Variants in TRAF3 observed in about 807,000 individuals in gnomAD.
TRAF3 encodes the protein TNF receptor-associated factor 3.
A neutral mutation model predicts 62.3 loss-of-function variants in TRAF3; 13 were observed. The ratio of observed to expected loss-of-function variants is 0.21; its 90% CI spans 0.14 to 0.33. The LOEUF (loss-of-function observed/expected upper bound fraction) is 0.33, where lower values mean the gene tolerates loss of function less well. Among genes scored for constraint, TRAF3 ranks in the 10% least tolerant of loss-of-function variants. The pLI is 1.00. For synonymous variants in TRAF3, 269 were observed against 283.4 expected (o/e 0.95, Z 0.51); for missense variants, 440 against 741.8 (o/e 0.59, Z 4.73).
chr14:102,891,440 G>C (rs752687128), intron 9 of TRAF3, 23 bp downstream of exon 9: 1 of 1,598,174 alleles, frequency 6.3e-7, no homozygotes, highest in South Asian at 1.1e-5. Flanking sequence ...CTTTCCTGCT[G>C]CTATGGGATT....
At chr14:102,792,614 A>C (rs147702742) in intron 1 of TRAF3, among the ~76,000 whole-genome samples, 209 of 151,186 alleles carry the variant, frequency 1.4e-3, no homozygotes, top group African/African-American at 4.9e-3. Context: ...AGTTTTGTCA[A>C]ATGCTTTTTG....
intron 4 of TRAF3, among the ~76,000 whole-genome samples, chr14:102,872,889 A>G (rs1888424762): frequency 6.6e-6 from 1 of 151,854 alleles, no homozygotes; most frequent in South Asian, 2.1e-4. Flanking sequence ...ACGGGGTTTC[A>G]CCGTGTTGGT....
chr14:102,807,575 G>C (rs1054859651), intron 1 of TRAF3, among the ~76,000 whole-genome samples: 1 of 152,212 alleles, frequency 6.6e-6, no homozygotes, highest in Non-Finnish European at 1.5e-5. Context: ...TCACTCACCT[G>C]TGCTGCCTTT....
rs1211582466 is a variant in TRAF3 at position 102,909,870 on chromosome 14, C to G, written c.*4086C>G. 2 of 152,266 alleles carry G rather than the reference C, an allele frequency of 1.3e-5. No homozygotes were observed. Among genetic ancestry groups the G allele is most frequent in the Non-Finnish European group, 2.9e-5 (2 of 68,072 alleles). 9.4% of individuals were successfully genotyped at this position (152,266 alleles called of 1,614,324 possible). ...TTGCTTGATGGCGTCTGGTGGTAGTCAGCATGGTGGACCCACATCCTACAG... is the reference window on the plus strand; with the variant it reads ...TTGCTTGATGGCGTCTGGTGGTAGTGAGCATGGTGGACCCACATCCTACAG... On this transcript the variant is annotated 3_prime_UTR_variant, in exon 12 of 12. Coordinates refer to ENST00000392745, the MANE Select transcript of TRAF3 (RefSeq NM_145725.3).
chr14:102,874,838 G>A (rs1305763280), intron 4 of TRAF3, among the ~76,000 whole-genome samples: 2 of 151,896 alleles, frequency 1.3e-5, no homozygotes, highest in African/African-American at 2.4e-5. Context: ...AAAAATTTTT[G>A]TAGAGATAGG....
intron 1 of TRAF3, among the ~76,000 whole-genome samples, chr14:102,783,581 T>A (rs1395008570): frequency 6.6e-6 from 1 of 152,230 alleles, no homozygotes; most frequent in East Asian, 1.9e-4. Flanking sequence ...AAGTTTTATC[T>A]TAAAATTTAA....
intron 1 of TRAF3, among the ~76,000 whole-genome samples, chr14:102,793,718 G>C (rs973715070): frequency 2.0e-5 from 3 of 152,228 alleles, no homozygotes; most frequent in African/African-American, 7.2e-5. Context: ...CAGGATCAGG[G>C]AAGGGAACTC....
rs774607165 is a variant in TRAF3 at position 102,871,984 on chromosome 14, T to C, written c.297+16T>C. The C allele has an allele frequency of 6.2e-7, 1 of 1,613,294 alleles. No homozygotes were observed. The highest frequency in any genetic ancestry group is 8.5e-7 in the Non-Finnish European group (1 of 1,179,228). On this transcript the variant is annotated intron_variant, in intron 4 of 11. Transcript: ENST00000392745. ...TAAAGATAAGGTATTCTGGGGTTTT[T>C]TTTAATCATTTTGTCACATGTTTTC... is the stretch of plus-strand genomic sequence containing the variant.
Position 102,779,269 on chromosome 14 carries a change from CTT to C in TRAF3, c.-157+1622_-157+1623del, listed in dbSNP as rs61309052. 2.6e-3 allele frequency among the ~76,000 whole-genome samples: 324 copies of C among 123,268 alleles called. 1 individual carries two copies. Among genetic ancestry groups the C allele is most frequent in the African/African-American group, 0.011 (315 of 28,340 alleles). 80.9% of individuals were successfully genotyped at this position (123,268 alleles called of 152,430 possible). On this transcript the variant is annotated intron_variant, in intron 1 of 11. Transcript: ENST00000392745. Reference sequence around the variant, plus strand: ...GAGAGCTGGCCAGGGAGAATTCCAGCTTTTTTTTTTTTTTTTTTTTTTTTTTT... The same window carrying C: ...GAGAGCTGGCCAGGGAGAATTCCAGCTTTTTTTTTTTTTTTTTTTTTTTTT...
At chr14:102,811,760 TGTTTGTA>T (rs1899178539) in intron 1 of TRAF3, among the ~76,000 whole-genome samples, 4 of 133,376 alleles carry the variant, frequency 3.0e-5, no homozygotes, top group African/African-American at 1.1e-4. Context: ...TGTGTGTGTG[TGTTTGTA>T]CAGACTGTCT....
In TRAF3 at chr14:102,903,164, T is replaced by C. The variant is rs774143872; in HGVS notation, c.961-91T>C. 3.8e-6 allele frequency: 6 copies of C among 1,585,280 alleles called. No individual in the cohort carries two copies. In the Admixed American group the frequency reaches 8.4e-5, roughly 22 times the overall value. On this transcript the variant is annotated intron_variant, in intron 10 of 11. Transcript: ENST00000392745. The surrounding 1 kb of genome is among the most constrained non-coding windows in gnomAD (Gnocchi z 6.4). ...CTCATACAGGGGCCTCTGACTGTTC[T>C]GCTCCTAGCCTGTCTGTATTTGATG...
chr14:102,877,614 C>T (rs1888776802), intron 6 of TRAF3, among the ~76,000 whole-genome samples: 1 of 144,758 alleles, frequency 6.9e-6, no homozygotes, highest in African/African-American at 2.6e-5. Context: ...TAATCTGTTC[C>T]ACAGGCCTTC....
At chr14:102,808,390 G>A (rs1898903486) in intron 1 of TRAF3, among the ~76,000 whole-genome samples, 1 of 152,138 alleles carries the variant, frequency 6.6e-6, no homozygotes, top group Non-Finnish European at 1.5e-5. Context: ...GCACATGCCT[G>A]TAATCTTAGC....
rs986055510 is a variant in TRAF3 at position 102,903,006 on chromosome 14, C to G, written c.961-249C>G. 5 of 563,380 alleles carry G rather than the reference C, an allele frequency of 8.9e-6. No homozygotes were observed. Among genetic ancestry groups the G allele is most frequent in the Admixed American group, 2.8e-5 (1 of 35,700 alleles). 34.9% of individuals were successfully genotyped at this position (563,380 alleles called of 1,614,324 possible). On this transcript the variant is annotated intron_variant, in intron 10 of 11. Transcript: ENST00000392745. This position sits in a 1 kb window ranked among gnomAD's most constrained non-coding sequence, Gnocchi z 6.4. ...AAAGCAAGCTGACTTAGTGGAGCCT[C>G]CTGTTGTTTTCTTCCATGTGGCTTC...
At chr14:102,857,156 A>T (rs180708521) in intron 2 of TRAF3, among the ~76,000 whole-genome samples, 53 of 152,340 alleles carry the variant, frequency 3.5e-4, no homozygotes, top group Admixed American at 1.4e-3. Flanking sequence ...CAGAATTAGA[A>T]TATTGATCCA....
At chr14:102,782,213 G>T (rs1305647256) in intron 1 of TRAF3, among the ~76,000 whole-genome samples, 2 of 151,858 alleles carry the variant, frequency 1.3e-5, no homozygotes, top group East Asian at 3.9e-4. Context: ...GGGACTACAG[G>T]TGTGTAGTCC....
At chr14:102,889,970 G>A (rs924246997) in intron 8 of TRAF3, among the ~76,000 whole-genome samples, 1 of 152,258 alleles carries the variant, frequency 6.6e-6, no homozygotes, top group Admixed American at 6.5e-5. Context: ...GCAGTTACCT[G>A]AATATAAGCG....
At chr14:102,895,193 C>T (rs534537516) in intron 9 of TRAF3, 9 of 448,546 alleles carry the variant, frequency 2.0e-5, no homozygotes, top group African/African-American at 1.2e-4. Context: ...GCTCCACATT[C>T]GTGCAGGTTG....
chr14:102,886,160 A>C, intron 6 of TRAF3, 29 bp from the exon 7 acceptor site: 1 of 1,610,398 alleles, frequency 6.2e-7, no homozygotes, highest in Non-Finnish European at 8.5e-7. Context: ...TTGTGTGTTT[A>C]AAGTTGATAG....
Sources: gnomAD v4.1 joint callset for allele counts (sites outside exome capture counted in the v4.1 genomes callset) on GRCh38, gnomAD v4.1.1 for gene constraint, Gnocchi (gnomAD v3.1) non-coding constraint, MANE v1.5 for transcripts, NCBI Gene and HGNC (gene_info 2026-07-23, HGNC 2026-07-21) for gene names.